CACUL1: variants seen among roughly 807,000 people sequenced by gnomAD.
CACUL1 encodes CDK2-associated and cullin domain-containing protein 1.
In CACUL1, 13 loss-of-function variants were observed where a neutral mutation model predicts 45.2. The ratio of observed to expected loss-of-function variants is 0.29; its 90% CI spans 0.19 to 0.46. The LOEUF (loss-of-function observed/expected upper bound fraction) is 0.46. Among genes scored for constraint, CACUL1 ranks in the 20% least tolerant of loss-of-function variants. The pLI is 1.00. For missense variants in CACUL1, 421 were observed against 471.4 expected (o/e 0.89, Z 0.99); for synonymous variants, 197 against 174.2 (o/e 1.13, Z -1.03).
Position 118,682,311 on chromosome 10 carries a change from T to C in CACUL1, c.*3817A>G, listed in dbSNP as rs1845160685. On this transcript the variant is annotated 3_prime_UTR_variant, in exon 9 of 9. Transcript: ENST00000369151. ...ATAAAACAATGCTCAGTTATTTTAATAGCTGCTTATGAAACAATAACAGTT... is the reference window on the plus strand; with the variant it reads ...ATAAAACAATGCTCAGTTATTTTAACAGCTGCTTATGAAACAATAACAGTT... The C allele has an allele frequency of 6.6e-6, 1 of 152,232 alleles. No individual in the cohort carries two copies. The highest frequency in any genetic ancestry group is 6.5e-5 in the Admixed American group (1 of 15,286). The allele number at this position is 152,232 out of a possible 1,614,324, so 9.4% of individuals were successfully genotyped here.
At chr10:118,696,835 T>C (rs949893557) in intron 5 of CACUL1, among the ~76,000 whole-genome samples, 2 of 152,228 alleles carry the variant, frequency 1.3e-5, no homozygotes, top group African/African-American at 4.8e-5. Context: ...TTCTCTCTAT[T>C]AATCCATCTT....
At chr10:118,754,135 C>G (rs1304387711) in intron 1 of CACUL1, among the ~76,000 whole-genome samples, 1 of 152,156 alleles carries the variant, frequency 6.6e-6, no homozygotes, top group Non-Finnish European at 1.5e-5. Context: ...ACTGACCGAA[C>G]TTGGGGCTCC....
chr10:118,696,155 C>A (rs1358196549), intron 5 of CACUL1, among the ~76,000 whole-genome samples: 1 of 152,006 alleles, frequency 6.6e-6, no homozygotes, highest in Non-Finnish European at 1.5e-5. Flanking sequence ...CAGAGATGCA[C>A]TCACTGTTCA....
chr10:118,727,001 A>G (rs1845657859), intron 3 of CACUL1, among the ~76,000 whole-genome samples: 1 of 152,212 alleles, frequency 6.6e-6, no homozygotes, highest in African/African-American at 2.4e-5. Flanking sequence ...GACTTTTCAT[A>G]AGACCATATT....
intron 8 of CACUL1, 27 bp from the exon 9 acceptor site, chr10:118,686,195 G>C (rs947884594): frequency 1.3e-6 from 2 of 1,593,666 alleles, no homozygotes; most frequent in Admixed American, 3.3e-5. Context: ...ATAGGAAAAA[G>C]TATGAAGAGC....
At chr10:118,753,378 G>A (rs900151285) in intron 1 of CACUL1, among the ~76,000 whole-genome samples, 2 of 152,202 alleles carry the variant, frequency 1.3e-5, no homozygotes, top group African/African-American at 4.8e-5. Flanking sequence ...AACTGGACAA[G>A]TACAGCTTCA....
At chr10:118,709,817 GAATTGTCTT>G (rs1845467289) in intron 3 of CACUL1, among the ~76,000 whole-genome samples, 1 of 152,260 alleles carries the variant, frequency 6.6e-6, no homozygotes, top group East Asian at 1.9e-4. Context: ...TATATGTAAA[GAATTGTCTT>G]TATTTTTTCT....
intron 3 of CACUL1, among the ~76,000 whole-genome samples, chr10:118,716,231 CAA>C (rs1340982412): frequency 8.1e-6 from 1 of 124,072 alleles, no homozygotes; most frequent in African/African-American, 3.0e-5. Flanking sequence ...GACTCCGTCT[CAA>C]AAAAAAAAAG....
At chr10:118,709,290 C>T (rs1391426959) in intron 3 of CACUL1, among the ~76,000 whole-genome samples, 2 of 152,176 alleles carry the variant, frequency 1.3e-5, no homozygotes, top group Non-Finnish European at 1.5e-5. Context: ...AGGTCAAACC[C>T]GTGTTGTTCA....
At position 118,749,848 on chromosome 10, in the gene CACUL1, G is replaced by A. The variant is rs567505778; in HGVS notation, c.367+4548C>T. 1.7e-4 allele frequency among the ~76,000 whole-genome samples: 26 copies of A among 151,640 alleles called. No homozygotes were observed. The South Asian group carries it at 4.1e-3, about 24-fold the overall frequency. On this transcript the variant is annotated intron_variant, in intron 1 of 8. Coordinates refer to ENST00000369151, the MANE Select transcript of CACUL1 (RefSeq NM_153810.5). Reference sequence around the variant, plus strand: ...ATCTCACAGTAGGGCTGGTGGACCCGTAGTAACACTGTAACTCCCCCAGTT... The same window carrying A: ...ATCTCACAGTAGGGCTGGTGGACCCATAGTAACACTGTAACTCCCCCAGTT...
chr10:118,744,259 G>A (rs1448254204), intron 1 of CACUL1, among the ~76,000 whole-genome samples: 2 of 152,172 alleles, frequency 1.3e-5, no homozygotes, highest in Non-Finnish European at 2.9e-5. Flanking sequence ...GGTGGCGCAT[G>A]CTTGTAGTCC....
chr10:118,751,433 A>C (rs1489506466), intron 1 of CACUL1, among the ~76,000 whole-genome samples: 1 of 152,008 alleles, frequency 6.6e-6, no homozygotes, highest in African/African-American at 2.4e-5. Flanking sequence ...TTTTTTCTCT[A>C]TATAGTGAGT....
chr10:118,695,956 G>A (rs952718341), intron 5 of CACUL1, among the ~76,000 whole-genome samples: 9 of 152,168 alleles, frequency 5.9e-5, no homozygotes, highest in Non-Finnish European at 1.3e-4. Context: ...TCAAAGAGCT[G>A]CATTTGCTAA....
In CACUL1 at chr10:118,685,760, C is replaced by G. The variant is rs540040909; in HGVS notation, c.*368G>C. ...CCAAAATGCCAAGTCCACAAATGAA[C>G]AAAACAAGTGCTTAAAAAAAAAATT... On this transcript the variant is annotated 3_prime_UTR_variant, in exon 9 of 9. Coordinates refer to ENST00000369151, the MANE Select transcript of CACUL1 (RefSeq NM_153810.5). The G allele has an allele frequency of 5.9e-6, 1 of 169,588 alleles. No homozygotes were observed. The highest frequency in any genetic ancestry group is 1.3e-5 in the Non-Finnish European group (1 of 79,310). 10.5% of individuals were successfully genotyped at this position (169,588 alleles called of 1,614,324 possible).
chr10:118,721,863 T>C (rs1046515314), intron 3 of CACUL1, among the ~76,000 whole-genome samples: 4 of 152,172 alleles, frequency 2.6e-5, no homozygotes, highest in Admixed American at 6.5e-5. Flanking sequence ...TGTATCAACA[T>C]TACTTGGGGA....
chr10:118,738,955 T>A, intron 1 of CACUL1, among the ~76,000 whole-genome samples: 1 of 146,566 alleles, frequency 6.8e-6, no homozygotes, highest in East Asian at 2.0e-4. Flanking sequence ...CCCAGCACTT[T>A]TGGAGGCCAA....
chr10:118,715,397 T>C (rs769193237), intron 3 of CACUL1, among the ~76,000 whole-genome samples: 11 of 152,254 alleles, frequency 7.2e-5, no homozygotes, highest in Non-Finnish European at 1.3e-4. Context: ...TTAATAATTT[T>C]AGAAGAGGAT....
intron 1 of CACUL1, among the ~76,000 whole-genome samples, chr10:118,734,128 G>C (rs1248419240): frequency 6.6e-6 from 1 of 152,184 alleles, no homozygotes; most frequent in Non-Finnish European, 1.5e-5. Flanking sequence ...CAGGATCTTA[G>C]GAGATCTGCA....
chr10:118,728,406 C>T (rs935230253), intron 3 of CACUL1, among the ~76,000 whole-genome samples: 6 of 151,952 alleles, frequency 3.9e-5, no homozygotes, highest in Non-Finnish European at 8.8e-5. Flanking sequence ...CTCCGCCTCC[C>T]GGGTTCAAGC....
Sources: allele counts gnomAD v4.1 joint callset (sites outside exome capture counted in the v4.1 genomes callset), GRCh38; gene constraint gnomAD v4.1.1; transcripts MANE v1.5; gene names NCBI Gene and HGNC (gene_info 2026-07-23, HGNC 2026-07-21).